The following WWOX variants were observed in gnomAD, a reference collection of about 807,000 sequenced individuals.
WWOX encodes WW domain containing oxidoreductase, also known as WW domain-containing oxidoreductase.
Under a neutral mutation model 46.2 loss-of-function variants are expected in WWOX, and 69 were observed. The observed-to-expected ratio is 1.49, with a 90% confidence interval of 1.23 to 1.82. WWOX has a LOEUF of 1.82. Ranked by LOEUF, WWOX falls within the 40% of genes most tolerant of loss-of-function variation. WWOX has a pLI of 0.00. For synonymous variants in WWOX, 359 were observed against 202.6 expected (o/e 1.77, Z -6.56); for missense variants, 919 against 542.6 (o/e 1.69, Z -6.89).
intron 8 of WWOX, among the ~76,000 whole-genome samples, chr16:78,704,828 T>G (rs1160217762): frequency 6.6e-6 from 1 of 152,120 alleles, no homozygotes; most frequent in Non-Finnish European, 1.5e-5. Context: ...GCTGAGCAGT[T>G]TCAGAGCATT....
chr16:78,965,406 T>C (rs2046346248), intron 8 of WWOX, among the ~76,000 whole-genome samples: 2 of 152,024 alleles, frequency 1.3e-5, no homozygotes. Flanking sequence ...CCATCTGTAC[T>C]GTAAATACAA....
intron 8 of WWOX, among the ~76,000 whole-genome samples, chr16:78,484,861 TG>T (rs1322435716): frequency 1.3e-5 from 2 of 152,168 alleles, no homozygotes; most frequent in African/African-American, 4.8e-5. Flanking sequence ...CCATTGCATT[TG>T]TCTCCATTTC....
In WWOX at chr16:78,123,435, G is replaced by GTTTTTTTTTTTTTTTTTT. The variant is rs200594331; in HGVS notation, c.409+8285_409+8286insTTTTTTTTTTTTTTTTTT. On this transcript the variant is annotated intron_variant, in intron 4 of 8. Transcript: ENST00000566780. Reference sequence around the variant, plus strand: ...CCCTATGTTTTTTTCTTTGTTTTTTGTTTTGTTTTTTTTTTTTTTGTTTTT... The same window carrying GTTTTTTTTTTTTTTTTTT: ...CCCTATGTTTTTTTCTTTGTTTTTTGTTTTTTTTTTTTTTTTTTTTTTGTTTTTTTTTTTTTTGTTTTT... The GTTTTTTTTTTTTTTTTTT allele has an allele frequency of 6.2e-4, 30 of 48,708 alleles. 3 individuals carry two copies. The highest frequency in any genetic ancestry group is 1.2e-3 in the South Asian group (2 of 1,620). The allele number at this position is 48,708 out of a possible 1,614,324, so 3.0% of individuals were successfully genotyped here.
At chr16:78,189,757 C>T (rs1261220384) in intron 5 of WWOX, among the ~76,000 whole-genome samples, 4 of 152,242 alleles carry the variant, frequency 2.6e-5, no homozygotes, top group East Asian at 1.9e-4. Context: ...CAAGTTCAAG[C>T]GATTCTCCTG....
intron 5 of WWOX, among the ~76,000 whole-genome samples, chr16:78,210,710 A>T (rs898077141): frequency 6.6e-6 from 1 of 152,196 alleles, no homozygotes; most frequent in Middle Eastern, 3.2e-3. Context: ...TCCTTAATCA[A>T]TGTAAATTCA....
intron 5 of WWOX, among the ~76,000 whole-genome samples, chr16:78,275,086 G>C (rs183428228): frequency 6.6e-6 from 1 of 152,274 alleles, no homozygotes; most frequent in African/African-American, 2.4e-5. Context: ...GGCCCATGCA[G>C]AGTTTACTGA....
intron 8 of WWOX, among the ~76,000 whole-genome samples, chr16:78,794,406 A>G (rs2050685592): frequency 6.6e-6 from 1 of 152,174 alleles, no homozygotes; most frequent in Non-Finnish European, 1.5e-5. Context: ...AAAACAAAAT[A>G]AATAAAAGCT....
At chr16:79,079,061 C>T (rs1163554102) in intron 8 of WWOX, among the ~76,000 whole-genome samples, 5 of 152,170 alleles carry the variant, frequency 3.3e-5, no homozygotes, top group African/African-American at 9.7e-5. Context: ...AACAACTTTA[C>T]AATTAGTGCC....
chr16:78,747,236 G>A (rs1440663378), intron 8 of WWOX, among the ~76,000 whole-genome samples: 2 of 148,318 alleles, frequency 1.3e-5, no homozygotes, highest in Non-Finnish European at 3.0e-5. Flanking sequence ...TTGTCATGCA[G>A]GCTGGAGTGC....
At chr16:78,326,582 C>G (rs1353743575) in intron 5 of WWOX, among the ~76,000 whole-genome samples, 2 of 95,036 alleles carry the variant, frequency 2.1e-5, no homozygotes, top group East Asian at 3.8e-4. Context: ...CCCCCGCCCC[C>G]CCCCCCCGCA....
At chr16:78,303,179 T>A (rs147852730) in intron 5 of WWOX, among the ~76,000 whole-genome samples, 1 of 152,364 alleles carries the variant, frequency 6.6e-6, no homozygotes, top group Non-Finnish European at 1.5e-5. Context: ...TTGCCCTTTT[T>A]TCCCCTACTT....
intron 5 of WWOX, among the ~76,000 whole-genome samples, chr16:78,369,295 A>G (rs1055447045): frequency 6.6e-5 from 10 of 152,136 alleles, no homozygotes; most frequent in African/African-American, 2.4e-4. Context: ...ACTGAAACTC[A>G]CATATTTCAT....
At chr16:78,175,433 C>G (rs1482861125) in intron 5 of WWOX, among the ~76,000 whole-genome samples, 1 of 152,202 alleles carries the variant, frequency 6.6e-6, no homozygotes, top group Non-Finnish European at 1.5e-5. Context: ...GACTCACTCT[C>G]CATGAATAGA....
rs34111953 is a variant in WWOX, at chr16:78,202,812, G to GTTT, written c.516+38534_516+38536dup. On this transcript the variant is annotated intron_variant, in intron 5 of 8. Coordinates refer to ENST00000566780, the MANE Select transcript of WWOX (RefSeq NM_016373.4). Reference sequence around the variant, plus strand: ...TTTTGTTTTTTTCATTGCCTGGTGGGTTTTTTTTTTTTTGTCTTTTTAAAT... The same window carrying GTTT: ...TTTTGTTTTTTTCATTGCCTGGTGGGTTTTTTTTTTTTTTTTGTCTTTTTAAAT... 1.1e-4 allele frequency among the ~76,000 whole-genome samples: 15 copies of GTTT among 140,040 alleles called. No individual in the cohort carries two copies. In the East Asian group the frequency reaches 1.9e-3, roughly 17 times the overall value. 91.9% of individuals were successfully genotyped at this position (140,040 alleles called of 152,430 possible).
At chr16:78,648,140 T>G (rs1006713488) in intron 8 of WWOX, among the ~76,000 whole-genome samples, 2 of 152,212 alleles carry the variant, frequency 1.3e-5, no homozygotes, top group Admixed American at 1.3e-4. Flanking sequence ...GAAAGGTGAC[T>G]GAATACATTA....
At chr16:78,906,978 A>T (rs1422396314) in intron 8 of WWOX, among the ~76,000 whole-genome samples, 2 of 152,196 alleles carry the variant, frequency 1.3e-5, no homozygotes, top group Non-Finnish European at 2.9e-5. Flanking sequence ...CAATGGGTTC[A>T]TTCTGCCTGA....
intron 8 of WWOX, among the ~76,000 whole-genome samples, chr16:78,952,863 A>G (rs150502617): frequency 2.0e-5 from 3 of 152,342 alleles, no homozygotes; most frequent in African/African-American, 7.2e-5. Flanking sequence ...CTTTAGAGGC[A>G]CTTGCTCAGG....
At chr16:78,115,887 C>A (rs1407250268) in intron 4 of WWOX, among the ~76,000 whole-genome samples, 1 of 152,136 alleles carries the variant, frequency 6.6e-6, no homozygotes, top group Admixed American at 6.5e-5. Flanking sequence ...ACATATGAAA[C>A]GTTGCATTTG....
At chr16:79,011,454 T>TTTTA (rs1567482606) in intron 8 of WWOX, among the ~76,000 whole-genome samples, 3 of 142,206 alleles carry the variant, frequency 2.1e-5, no homozygotes, top group Non-Finnish European at 3.0e-5. Flanking sequence ...TTTTTTTATT[T>TTTTA]TTTATTTTAT....
Sources: gnomAD v4.1 joint callset for allele counts (sites outside exome capture counted in the v4.1 genomes callset) on GRCh38, gnomAD v4.1.1 for gene constraint, MANE v1.5 for transcripts, NCBI Gene and HGNC (gene_info 2026-07-23, HGNC 2026-07-21) for gene names.